Variants in RARB observed in about 807,000 individuals in gnomAD.
RARB encodes the protein HBV-activated protein.
Under a neutral mutation model 51.9 loss-of-function variants are expected in RARB, and 17 were observed. The observed-to-expected ratio is 0.33, with a 90% CI of 0.22 to 0.49. The LOEUF (loss-of-function observed/expected upper bound fraction) is 0.49, where lower values mean the gene tolerates loss of function less well. Among genes scored for constraint, RARB ranks in the 20% least tolerant of loss-of-function variants. The pLI is 0.99. For missense variants in RARB, 369 were observed against 550.8 expected (o/e 0.67, Z 3.30); for synonymous variants, 215 against 195.4 (o/e 1.10, Z -0.84).
intron 2 of RARB, among the ~76,000 whole-genome samples, chr3:24,957,573 T>C (rs1414963340): frequency 1.3e-5 from 2 of 152,214 alleles, no homozygotes; most frequent in South Asian, 2.1e-4. Context: ...GCTATGATTA[T>C]TTACAGAATT....
intron 2 of RARB, among the ~76,000 whole-genome samples, chr3:24,977,414 G>T (rs958040925): frequency 2.0e-5 from 3 of 152,172 alleles, no homozygotes; most frequent in Non-Finnish European, 4.4e-5. Context: ...TCTTCCATTT[G>T]TTTGTGTCCT....
intron 1 of RARB, among the ~76,000 whole-genome samples, chr3:24,850,932 G>A (rs1702546781): frequency 6.6e-6 from 1 of 152,212 alleles, no homozygotes. Context: ...GTACTCATTA[G>A]CAAACCTCCT....
At chr3:25,368,720 G>A (rs906089798) in intron 5 of RARB, among the ~76,000 whole-genome samples, 2 of 152,132 alleles carry the variant, frequency 1.3e-5, no homozygotes, top group African/African-American at 4.8e-5. Context: ...TTCCAGGTGT[G>A]TCCATTACAT....
intron 2 of RARB, among the ~76,000 whole-genome samples, chr3:24,916,102 T>C (rs762497636): frequency 1.8e-4 from 27 of 152,132 alleles, no homozygotes; most frequent in Non-Finnish European, 2.5e-4. Context: ...AGTAGTTTAC[T>C]TCTGTGTAAT....
chr3:25,596,644 C>T lies in RARB; in HGVS notation c.*28C>T, dbSNP rs1701848044. On this transcript the variant is annotated 3_prime_UTR_variant, in exon 8 of 8. Coordinates refer to ENST00000330688, the MANE Select transcript of RARB (RefSeq NM_000965.5). ...CATTTTCTAGCTACTTCAAACATTC[C>T]CCAGTACCTTCAGTTCCAGGATTTA... 9 of 1,512,662 alleles carry T rather than the reference C, an allele frequency of 5.9e-6. No individual in the cohort carries two copies. In the South Asian group the frequency reaches 9.5e-5, roughly 16 times the overall value. 93.7% of individuals were successfully genotyped at this position (1,512,662 alleles called of 1,614,324 possible).
chr3:25,409,003 C>G (rs1485505930), intron 5 of RARB, among the ~76,000 whole-genome samples: 1 of 152,156 alleles, frequency 6.6e-6, no homozygotes, highest in African/African-American at 2.4e-5. Flanking sequence ...CACTGCACTC[C>G]AGCCTGTGTG....
intron 5 of RARB, among the ~76,000 whole-genome samples, chr3:25,331,319 G>C (rs548682232): frequency 6.6e-6 from 1 of 152,066 alleles, no homozygotes; most frequent in Non-Finnish European, 1.5e-5. Flanking sequence ...AATTATAACA[G>C]ACTGTCTCTC....
chr3:24,933,274 C>A lies in RARB; in HGVS notation c.-380+74522C>A, dbSNP rs182078776. Among the ~76,000 whole-genome samples, 695 of 148,476 alleles carry A rather than the reference C, an allele frequency of 4.7e-3. 7 individuals carry two copies. The highest frequency in any genetic ancestry group is 0.016 in the African/African-American group (654 of 41,014). ...TTGAGGAAAAACCATAACTATATTT[C>A]ACTATACATTTTTTTTTTACAGATC... is the stretch of plus-strand genomic sequence containing the variant. On this transcript the variant is annotated intron_variant, in intron 2 of 11. Transcript: ENST00000383772.
chr3:25,290,231 T>C (rs1232383415), intron 5 of RARB, among the ~76,000 whole-genome samples: 2 of 152,192 alleles, frequency 1.3e-5, no homozygotes, highest in Non-Finnish European at 2.9e-5. Context: ...ATATGGTCTT[T>C]AAAGAAGCAA....
intron 2 of RARB, among the ~76,000 whole-genome samples, chr3:24,961,737 T>C (rs568543672): frequency 1.3e-5 from 2 of 152,134 alleles, no homozygotes; most frequent in South Asian, 2.1e-4. Flanking sequence ...CAAAACACCA[T>C]TGGACAATTG....
At chr3:25,089,635 A>G (rs1408561955) in intron 3 of RARB, among the ~76,000 whole-genome samples, 1 of 152,116 alleles carries the variant, frequency 6.6e-6, no homozygotes, top group Admixed American at 6.6e-5. Context: ...TCATGCGCCT[A>G]TTGATAGAGA....
chr3:25,336,162 G>T (rs1705056905), intron 5 of RARB, among the ~76,000 whole-genome samples: 1 of 151,584 alleles, frequency 6.6e-6, no homozygotes, highest in East Asian at 1.9e-4. Flanking sequence ...TATGTAAGAA[G>T]AGAAAAATAA....
chr3:24,974,668 C>A (rs1696472326), intron 2 of RARB, among the ~76,000 whole-genome samples: 1 of 151,962 alleles, frequency 6.6e-6, no homozygotes, highest in Admixed American at 6.6e-5. Flanking sequence ...TCAATATGTG[C>A]ATTAACAAAT....
intron 2 of RARB, among the ~76,000 whole-genome samples, chr3:24,931,015 A>T (rs1695426491): frequency 6.6e-6 from 1 of 152,076 alleles, no homozygotes; most frequent in African/African-American, 2.4e-5. Flanking sequence ...TCTGTCTCTG[A>T]AAAAAGAAAA....
chr3:25,359,721 T>C (rs918165359), intron 5 of RARB, among the ~76,000 whole-genome samples: 4 of 152,320 alleles, frequency 2.6e-5, no homozygotes, highest in Admixed American at 2.6e-4. Context: ...TCTGCCTCAA[T>C]TTTGTTATTT....
rs1553608164 is a variant in RARB at position 25,367,831 on chromosome 3, A to AAAC, written c.179-93359_179-93357dup. On this transcript the variant is annotated intron_variant, in intron 5 of 11. Coordinates refer to the RARB transcript ENST00000383772. ...AAAAAAACAAGCAAAAAAAAAACAAAAACAAAACAAAAGAAATATGGCTAT... is the reference window on the plus strand; with the variant it reads ...AAAAAAACAAGCAAAAAAAAAACAAAAACAACAAAACAAAAGAAATATGGCTAT... 2.9e-3 allele frequency among the ~76,000 whole-genome samples: 443 copies of AAAC among 151,122 alleles called. 4 individuals are homozygous for AAAC. Among genetic ancestry groups the AAAC allele is most frequent in the African/African-American group, 0.01 (415 of 41,028 alleles).
At chr3:24,829,604 C>T (rs1702253716) in intron 1 of RARB, among the ~76,000 whole-genome samples, 2 of 152,200 alleles carry the variant, frequency 1.3e-5, no homozygotes, top group Admixed American at 1.3e-4. Flanking sequence ...CGGGAGCCCG[C>T]GACCGATCCC....
intron 2 of RARB, among the ~76,000 whole-genome samples, chr3:25,485,132 G>T (rs184536632): frequency 7.9e-5 from 12 of 152,260 alleles, no homozygotes; most frequent in Non-Finnish European, 8.8e-5. Context: ...AAACTAAGCT[G>T]TGTTCCTGGA....
At chr3:24,859,483 C>A (rs1369089325) in intron 2 of RARB, among the ~76,000 whole-genome samples, 2 of 152,198 alleles carry the variant, frequency 1.3e-5, no homozygotes, top group South Asian at 2.1e-4. Context: ...ACAGACTCTT[C>A]TAAAGCAGCT....
Sources: allele counts gnomAD v4.1 joint callset (sites outside exome capture counted in the v4.1 genomes callset), GRCh38; gene constraint gnomAD v4.1.1; transcripts MANE v1.5; gene names NCBI Gene and HGNC (gene_info 2026-07-23, HGNC 2026-07-21).